Variants in TNPO3 observed in about 807,000 individuals in gnomAD.
TNPO3 encodes transportin 3.
A neutral mutation model predicts 122.8 loss-of-function variants in TNPO3; 65 were observed. The observed-to-expected ratio is 0.53, with a 90% CI of 0.43 to 0.65. TNPO3 has a LOEUF of 0.65. Ranked by LOEUF, TNPO3 falls within the 30% of genes least tolerant of loss-of-function variation. The pLI, the probability that TNPO3 is intolerant of heterozygous loss-of-function variation, is 0.00. For missense variants in TNPO3, 850 were observed against 1,136.7 expected, an observed-to-expected ratio of 0.75 and a Z score of 3.63; for synonymous variants, 372 against 411.2, an observed-to-expected ratio of 0.90 and a Z score of 1.15.
chr7:129,047,733 A>G (rs1808223803), intron 1 of TNPO3, among the ~76,000 whole-genome samples: 2 of 152,230 alleles, frequency 1.3e-5, no homozygotes, highest in African/African-American at 4.8e-5. Flanking sequence ...AGTTTCACAA[A>G]TACATATTCT....
rs35061509 is a variant in TNPO3 at position 129,005,304 on chromosome 7, GT to G, written c.553-146del. The G allele has an allele frequency of 0.53, 282,301 of 537,312 alleles. 53,022 individuals carry two copies. Among genetic ancestry groups the G allele is most frequent in the South Asian group, 0.55 (17,790 of 32,278 alleles). 33.3% of individuals were successfully genotyped at this position (537,312 alleles called of 1,614,324 possible). ...GTGCTTTTTAAGTTTAAGTGTCACT[GT>G]TTTTTTTTTTTCCTTTTAAGAGAGA... On this transcript the variant is annotated intron_variant, in intron 4 of 22. Coordinates refer to ENST00000265388, the MANE Select transcript of TNPO3 (RefSeq NM_012470.4).
chr7:128,958,137 C>CTTTTTTT lies in TNPO3; in HGVS notation c.2712-829_2712-823dup, dbSNP rs55683535. 5.1e-3 allele frequency among the ~76,000 whole-genome samples: 487 copies of CTTTTTTT among 96,154 alleles called. 9 individuals are homozygous for CTTTTTTT. The highest frequency in any genetic ancestry group is 6.6e-3 in the Non-Finnish European group (341 of 51,474). 63.1% of individuals were successfully genotyped at this position (96,154 alleles called of 152,430 possible). A position where few individuals can be genotyped will look rare whatever the true frequency, so the allele number is the denominator to read the frequency against. On this transcript the variant is annotated intron_variant, in intron 21 of 22. Transcript: ENST00000265388. The stretch of plus-strand genomic sequence containing the variant: ...AAAGCAGTGGAGAAGGAAGCACTTC[C>CTTTTTTT]TTTTTTTTTTTTTTTTTTTTTTTGA...
At chr7:128,997,562 T>C in intron 7 of TNPO3, 27 bp from the exon 8 acceptor site, 1 of 1,593,434 alleles carries the variant, frequency 6.3e-7, no homozygotes, top group Non-Finnish European at 8.6e-7. Context: ...GATGATTTAT[T>C]TGAATGGGAA....
intron 1 of TNPO3, among the ~76,000 whole-genome samples, chr7:129,033,613 G>T (rs1338924051): frequency 6.6e-6 from 1 of 152,038 alleles, no homozygotes; most frequent in African/African-American, 2.4e-5. Flanking sequence ...ATATCTAAAA[G>T]AACTGAATAT....
chr7:129,048,402 T>A (rs6467224), intron 1 of TNPO3, among the ~76,000 whole-genome samples: 1 of 151,876 alleles, frequency 6.6e-6, no homozygotes, highest in African/African-American at 2.4e-5. Flanking sequence ...TGGTGGCATG[T>A]GCCTGTAGTC....
intron 4 of TNPO3, among the ~76,000 whole-genome samples, chr7:129,009,511 C>A (rs926624364): frequency 6.6e-6 from 1 of 152,072 alleles, no homozygotes; most frequent in Non-Finnish European, 1.5e-5. Flanking sequence ...TTTTAAGCAC[C>A]ACAGGAAATA....
chr7:129,052,869 A>G (rs543250639), intron 1 of TNPO3, among the ~76,000 whole-genome samples: 1 of 152,354 alleles, frequency 6.6e-6, no homozygotes, highest in Admixed American at 6.5e-5. Flanking sequence ...ATTACACTTT[A>G]GAAAACTATA....
At position 128,982,225 on chromosome 7, in the gene TNPO3, G is replaced by A. The variant is rs753381426; in HGVS notation, c.1859+23C>T. 9.4e-6 allele frequency: 15 copies of A among 1,603,708 alleles called. No homozygotes were observed. In the South Asian group the frequency reaches 1.5e-4, roughly 17 times the overall value. On this transcript the variant is annotated intron_variant, in intron 14 of 22. Coordinates refer to ENST00000265388, the MANE Select transcript of TNPO3 (RefSeq NM_012470.4). ...CATTTGAGCCTTTAACCCAAGTAAG[G>A]CATCCAGAGTCTCCTTTCTTACCTA... is the stretch of plus-strand genomic sequence containing the variant.
At chr7:129,018,710 C>A (rs1428186284) in intron 1 of TNPO3, among the ~76,000 whole-genome samples, 3 of 152,030 alleles carry the variant, frequency 2.0e-5, no homozygotes, top group Non-Finnish European at 4.4e-5. Context: ...TATTTCACAT[C>A]CTTCAATTAT....
At chr7:129,019,762 G>A (rs1804251725) in intron 1 of TNPO3, among the ~76,000 whole-genome samples, 1 of 152,134 alleles carries the variant, frequency 6.6e-6, no homozygotes, top group South Asian at 2.1e-4. Flanking sequence ...GGGAGACAGA[G>A]GCGGGCAGAT....
At chr7:128,962,234 G>A (rs547661078) in intron 21 of TNPO3, among the ~76,000 whole-genome samples, 46 of 152,000 alleles carry the variant, frequency 3.0e-4, no homozygotes, top group Non-Finnish European at 5.0e-4. Flanking sequence ...GCGCGGTGGC[G>A]GGTGCCTGTA....
At position 129,000,578 on chromosome 7, in the gene TNPO3, C is replaced by T. The variant is rs1191347436; in HGVS notation, c.873-11G>A. 2.5e-6 allele frequency: 4 copies of T among 1,609,676 alleles called. No homozygotes were observed. Among genetic ancestry groups the T allele is most frequent in the Non-Finnish European group, 3.4e-6 (4 of 1,177,814 alleles). On this transcript the variant is annotated splice_polypyrimidine_tract_variant and intron_variant, in intron 6 of 22. Transcript: ENST00000265388. ...CAGTAATTCAGAACTCTGTAGAAGA[C>T]AGGGGAATGAGAACAATGAGTCAGA...
At chr7:128,964,630 T>C (rs921684573) in intron 21 of TNPO3, among the ~76,000 whole-genome samples, 1 of 152,132 alleles carries the variant, frequency 6.6e-6, no homozygotes, top group Non-Finnish European at 1.5e-5. Context: ...CCACCGCGCC[T>C]GGCCACCAAA....
At chr7:129,004,883 A>AG (rs1456106635) in intron 5 of TNPO3, 133 bp downstream of exon 5, 5 of 769,434 alleles carry the variant, frequency 6.5e-6, no homozygotes, top group African/African-American at 1.8e-5. Flanking sequence ...GTAGCAAGGA[A>AG]GGAACATTGC....
rs116046348 is a variant in TNPO3, at chr7:128,988,643, G to T, written c.1498+1318C>A. On this transcript the variant is annotated intron_variant, in intron 11 of 22. Coordinates refer to ENST00000265388, the MANE Select transcript of TNPO3 (RefSeq NM_012470.4). ...GTCAACCTAGATTTGCTGCTTTCTG[G>T]ACATTAACTGAAGGTATTAAAACAA... is the stretch of plus-strand genomic sequence containing the variant. Among the ~76,000 whole-genome samples the T allele has an allele frequency of 3.8e-3, 580 of 152,168 alleles. 5 individuals carry two copies. Among genetic ancestry groups the T allele is most frequent in the African/African-American group, 0.014 (562 of 41,518 alleles).
intron 1 of TNPO3, among the ~76,000 whole-genome samples, chr7:129,032,112 T>C (rs1427919744): frequency 6.6e-6 from 1 of 152,150 alleles, no homozygotes; most frequent in East Asian, 1.9e-4. Flanking sequence ...GGAAAAGACA[T>C]GGTCATCTCA....
chr7:129,043,273 C>T (rs78431409), intron 1 of TNPO3, among the ~76,000 whole-genome samples: 1 of 151,236 alleles, frequency 6.6e-6, no homozygotes, highest in East Asian at 1.9e-4. Context: ...TGTGATGGTG[C>T]GCACCTTTGG....
chr7:128,997,651 A>G, intron 7 of TNPO3, 116 bp from the exon 8 acceptor site: 2 of 916,924 alleles, frequency 2.2e-6, no homozygotes, highest in Non-Finnish European at 3.2e-6. Flanking sequence ...ATATGAGTGG[A>G]GCCAGTTAAG....
At chr7:129,048,765 C>T (rs1808356282) in intron 1 of TNPO3, among the ~76,000 whole-genome samples, 1 of 152,018 alleles carries the variant, frequency 6.6e-6, no homozygotes, top group South Asian at 2.1e-4. Flanking sequence ...ATAAAACTCG[C>T]AGATAAAGAA....
Sources: allele counts gnomAD v4.1 joint callset (sites outside exome capture counted in the v4.1 genomes callset), GRCh38; gene constraint gnomAD v4.1.1; transcripts MANE v1.5; gene names NCBI Gene and HGNC (gene_info 2026-07-23, HGNC 2026-07-21).